COL23A1: variants seen among roughly 807,000 people sequenced by gnomAD.
The protein encoded by COL23A1 is collagen type XXIII alpha 1 chain.
Under a neutral mutation model 99.3 loss-of-function variants are expected in COL23A1, and 97 were observed. That is an observed-to-expected ratio of 0.98 (90% CI 0.83 to 1.16). COL23A1 has a LOEUF of 1.16. Ranked by LOEUF, COL23A1 falls within the 50% of genes most tolerant of loss-of-function variation. The pLI is 0.00. For missense variants in COL23A1, 762 were observed against 757.4 expected (o/e 1.01, Z -0.07); for synonymous variants, 320 against 308.2 (o/e 1.04, Z -0.40).
chr5:178,431,526 G>A (rs1308540831), intron 2 of COL23A1, among the ~76,000 whole-genome samples: 2 of 152,212 alleles, frequency 1.3e-5, no homozygotes, highest in Non-Finnish European at 2.9e-5. Context: ...GGCCCCAGAC[G>A]TAATCACAAA....
intron 21 of COL23A1, 108 bp downstream of exon 21, chr5:178,247,667 G>A: frequency 1.3e-6 from 2 of 1,552,182 alleles, no homozygotes; most frequent in South Asian, 2.3e-5. Context: ...GCCCCTCCCT[G>A]AACGAAGAAG....
chr5:178,453,658 T>G (rs1192504565), intron 2 of COL23A1, among the ~76,000 whole-genome samples: 1 of 152,208 alleles, frequency 6.6e-6, no homozygotes, highest in African/African-American at 2.4e-5. Context: ...TTCAATTCAT[T>G]GGTTCCTTCA....
intron 22 of COL23A1, 40 bp from the exon 23 acceptor site, chr5:178,246,493 T>C: frequency 6.5e-7 from 1 of 1,545,740 alleles, no homozygotes. Flanking sequence ...GGGAAGGGGT[T>C]AGACAGACAG....
chr5:178,545,242 C>G (rs1581605607), intron 2 of COL23A1, among the ~76,000 whole-genome samples: 1 of 152,192 alleles, frequency 6.6e-6, no homozygotes, highest in Non-Finnish European at 1.5e-5. Flanking sequence ...CTATGCCCTC[C>G]TCTTGAGCCC....
At chr5:178,364,738 T>A (rs1248159033) in intron 2 of COL23A1, among the ~76,000 whole-genome samples, 1 of 151,894 alleles carries the variant, frequency 6.6e-6, no homozygotes, top group African/African-American at 2.4e-5. Flanking sequence ...AGTCACGAGG[T>A]CTTGGGTGGG....
Position 178,386,321 on chromosome 5 carries a change from C to T in COL23A1, c.362-79402G>A, listed in dbSNP as rs1377013795. Reference sequence around the variant, plus strand: ...AGGCATGGAAGCATGCGCCTGTAGTCCCAGCTGCTTGGGAGGCTGAGGCAG... The same window carrying T: ...AGGCATGGAAGCATGCGCCTGTAGTTCCAGCTGCTTGGGAGGCTGAGGCAG... On this transcript the variant is annotated intron_variant, in intron 2 of 28. Coordinates refer to ENST00000390654, the MANE Select transcript of COL23A1 (RefSeq NM_173465.4). Among the ~76,000 whole-genome samples the T allele has an allele frequency of 5.3e-5, 8 of 152,040 alleles. No homozygotes were observed. In the South Asian group the frequency reaches 1.7e-3, roughly 32 times the overall value.
Position 178,307,731 on chromosome 5 carries a change from G to GC in COL23A1, c.362-813dup. On this transcript the variant is annotated intron_variant, in intron 2 of 28. Coordinates refer to ENST00000390654, the MANE Select transcript of COL23A1 (RefSeq NM_173465.4). The surrounding 1 kb of genome is among the most constrained non-coding windows in gnomAD (Gnocchi z 4.2). ...GGCGCTCACTGCCATCCTTCCTGGCGCCCCTTCTCGCCCCTGTTTCAGTGA... is the reference window on the plus strand; with the variant it reads ...GGCGCTCACTGCCATCCTTCCTGGCGCCCCCTTCTCGCCCCTGTTTCAGTGA... Among the ~76,000 whole-genome samples the GC allele has an allele frequency of 6.6e-6, 1 of 152,278 alleles. No individual in the cohort carries two copies. The highest frequency in any genetic ancestry group is 1.9e-4 in the East Asian group (1 of 5,190).
chr5:178,252,551 C>T lies in COL23A1; in HGVS notation c.1007G>A (p.Gly336Glu). ...AGCTGCATCTGCACTGACCTTGGCT[C>T]CAGGGATCCCTGGTGGCCCTGGGGG... is the stretch of plus-strand genomic sequence containing the variant. ...QGPPGPPGIP[G>E]AKGELGLPGA... Residue 336 changes from glycine to glutamate, a missense_variant, in exon 17 of 29, where the codon GGA (glycine) becomes GAA (glutamate). By Grantham distance (98) the Gly-to-Glu change is moderately conservative. Transcript: ENST00000390654. 2 of 1,611,816 alleles carry T rather than the reference C, an allele frequency of 1.2e-6. No homozygotes were observed. The highest frequency in any genetic ancestry group is 8.5e-7 in the Non-Finnish European group (1 of 1,179,120).
chr5:178,242,430 G>C (rs1194205518), intron 25 of COL23A1, 36 bp from the exon 26 acceptor site: 1 of 1,609,490 alleles, frequency 6.2e-7, no homozygotes, highest in South Asian at 1.1e-5. Context: ...CCGAAAATGA[G>C]GCTGGAGGTT....
intron 2 of COL23A1, among the ~76,000 whole-genome samples, chr5:178,522,627 C>T (rs1455876518): frequency 6.6e-6 from 1 of 152,132 alleles, no homozygotes; most frequent in Non-Finnish European, 1.5e-5. Context: ...CAAGGGCAGG[C>T]AATGCGCTTG....
At chr5:178,268,662 G>T (rs546331260) in intron 7 of COL23A1, 68 bp downstream of exon 7, 3 of 1,548,688 alleles carry the variant, frequency 1.9e-6, no homozygotes, top group Non-Finnish European at 2.6e-6. Context: ...TGGAACTGGC[G>T]TTCGGAGGCA....
chr5:178,247,599 G>A, intron 21 of COL23A1, 47 bp from the exon 22 acceptor site: 1 of 1,611,760 alleles, frequency 6.2e-7, no homozygotes, highest in Non-Finnish European at 8.5e-7. Context: ...GGACCCTCTT[G>A]CAGTGGCCAC....
In COL23A1 at chr5:178,351,973, C is replaced by T. The variant is rs570542925; in HGVS notation, c.362-45054G>A. 5 of 152,362 alleles carry T rather than the reference C, an allele frequency of 3.3e-5. No homozygotes were observed. The South Asian group carries it at 8.3e-4, about 25-fold the overall frequency. 9.4% of individuals were successfully genotyped at this position (152,362 alleles called of 1,614,324 possible). A position where few individuals can be genotyped will look rare whatever the true frequency, so the allele number is the denominator to read the frequency against. ...GAAGAGAGGCCTCGCCGGAAATCAA[C>T]TCTAATGACACCTTGGTCTTGGATG... On this transcript the variant is annotated intron_variant, in intron 2 of 28. Transcript: ENST00000390654.
At chr5:178,361,216 C>T (rs1159554921) in intron 2 of COL23A1, among the ~76,000 whole-genome samples, 1 of 152,134 alleles carries the variant, frequency 6.6e-6, no homozygotes, top group Non-Finnish European at 1.5e-5. Context: ...CTCTTCCCTG[C>T]CATAAGGTCT....
chr5:178,374,435 G>A (rs139305804), intron 2 of COL23A1, among the ~76,000 whole-genome samples: 3 of 152,136 alleles, frequency 2.0e-5, no homozygotes. Context: ...ACAGCAGCTC[G>A]TGGCTGTGCC....
intron 2 of COL23A1, among the ~76,000 whole-genome samples, chr5:178,520,582 A>T (rs1250636538): frequency 6.6e-6 from 1 of 152,214 alleles, no homozygotes; most frequent in Non-Finnish European, 1.5e-5. Context: ...GACAAAGCAG[A>T]CAGGAGGGGA....
rs1486028618 is a variant in COL23A1 at position 178,256,913 on chromosome 5, T to C, written c.790A>G (p.Met264Val). The C allele has an allele frequency of 1.2e-6, 2 of 1,613,488 alleles. No individual in the cohort carries two copies. The highest frequency in any genetic ancestry group is 1.7e-5 in the Admixed American group (1 of 59,974). The change falls in exon 14 of 29, where the codon ATG becomes GTG. Residue 264 changes from methionine to valine, a missense_variant. Coordinates refer to ENST00000390654, the MANE Select transcript of COL23A1 (RefSeq NM_173465.4). The stretch of plus-strand genomic sequence containing the variant: ...ACACCGTTCTCTCCCCGAGGCCCCA[T>C]GCTCCCTGGCTCGCCCTGAAACAGA... ...PPGPKGEPGS[M>V]GPRGENGVDG...
chr5:178,403,196 G>A (rs1186315020), intron 2 of COL23A1, among the ~76,000 whole-genome samples: 1 of 151,060 alleles, frequency 6.6e-6, no homozygotes, highest in African/African-American at 2.4e-5. Flanking sequence ...GTTACTGCAC[G>A]CCAGATGTGG....
intron 2 of COL23A1, among the ~76,000 whole-genome samples, chr5:178,533,862 T>C (rs1196736743): frequency 1.3e-5 from 2 of 152,198 alleles, no homozygotes; most frequent in African/African-American, 4.8e-5. Context: ...AAAAATATTT[T>C]GTATCATTCG....
Sources: gnomAD v4.1 joint callset for allele counts (sites outside exome capture counted in the v4.1 genomes callset) on GRCh38, gnomAD v4.1.1 for gene constraint, Gnocchi (gnomAD v3.1) non-coding constraint, MANE v1.5 for transcripts, NCBI Gene and HGNC (gene_info 2026-07-23, HGNC 2026-07-21) for gene names.